KLHDC2: variants seen among roughly 807,000 people sequenced by gnomAD.
KLHDC2 encodes kelch domain-containing protein 2.
A neutral mutation model predicts 62.3 loss-of-function variants in KLHDC2; 38 were observed. The observed-to-expected ratio is 0.61, with a 90% CI of 0.47 to 0.80. The LOEUF (loss-of-function observed/expected upper bound fraction) is 0.80. Among genes scored for constraint, KLHDC2 ranks in the 30% least tolerant of loss-of-function variants. KLHDC2 has a pLI of 0.00. For missense variants in KLHDC2, 430 were observed against 495.3 expected, an observed-to-expected ratio of 0.87 and a Z score of 1.25; for synonymous variants, 159 against 161.0, an observed-to-expected ratio of 0.99 and a Z score of 0.09.
intron 3 of KLHDC2, 47 bp downstream of exon 3, chr14:49,774,725 A>T (rs181080946): frequency 8.7e-7 from 1 of 1,151,634 alleles, no homozygotes; most frequent in African/African-American, 1.5e-5. Flanking sequence ...TATTCTTATT[A>T]TCTTTCAAAC....
Position 49,777,937 on chromosome 14 carries a change from C to T in KLHDC2, c.450C>T (p.Val150=). The change falls in exon 4 of 13, where the codon GTC becomes GTT. Residue 150 remains valine (V), a synonymous_variant. Coordinates refer to ENST00000298307, the MANE Select transcript of KLHDC2 (RefSeq NM_014315.3). ...CATCATCAAAGGACAAACTTGGTGT[C>T]TGGGTATATAAAAACAAGTAAGTTG... ...IPPSSKDKLG[V]WVYKNKLIFF... 1 of 1,605,218 alleles carries T rather than the reference C, an allele frequency of 6.2e-7. No homozygotes were observed. The highest frequency in any genetic ancestry group is 1.7e-4 in the Middle Eastern group (1 of 6,050).
At chr14:49,771,512 G>T in intron 1 of KLHDC2, 82 bp from the exon 2 acceptor site, 1 of 675,884 alleles carries the variant, frequency 1.5e-6, no homozygotes, top group South Asian at 1.7e-5. Context: ...TATGAAATTA[G>T]TATCTCAAGA....
chr14:49,785,653 T>G lies in KLHDC2; in HGVS notation c.*2700T>G, dbSNP rs752760544. On this transcript the variant is annotated 3_prime_UTR_variant, in exon 13 of 13. Coordinates refer to ENST00000298307, the MANE Select transcript of KLHDC2 (RefSeq NM_014315.3). ...TCCTAGGACTCTGGAAGGCTCAGGCTGAGGCGGGTGGATCGCTTGAGCCCA... is the reference window on the plus strand; with the variant it reads ...TCCTAGGACTCTGGAAGGCTCAGGCGGAGGCGGGTGGATCGCTTGAGCCCA... The G allele has an allele frequency of 2.5e-5, 6 of 237,568 alleles. No individual in the cohort carries two copies. The highest frequency in any genetic ancestry group is 5.0e-5 in the Admixed American group (1 of 19,986). 14.7% of individuals were successfully genotyped at this position (237,568 alleles called of 1,614,324 possible).
chr14:49,768,670 G>A lies in KLHDC2; in HGVS notation c.153+49G>A, dbSNP rs1258758411. On this transcript the variant is annotated intron_variant, in intron 1 of 12. Transcript: ENST00000298307. ...CGGACGTCGCTCGGCTGTGACTCGGGTCTGCGTTCGCGGCCAGGCGGGGAG... is the reference window on the plus strand; with the variant it reads ...CGGACGTCGCTCGGCTGTGACTCGGATCTGCGTTCGCGGCCAGGCGGGGAG... 4 of 1,490,114 alleles carry A rather than the reference G, an allele frequency of 2.7e-6. No homozygotes were observed. In the South Asian group the frequency reaches 5.1e-5, roughly 19 times the overall value. 92.3% of individuals were successfully genotyped at this position (1,490,114 alleles called of 1,614,324 possible).
In KLHDC2 at chr14:49,784,837, A is replaced by T; in HGVS notation, c.*1884A>T. On this transcript the variant is annotated 3_prime_UTR_variant, in exon 13 of 13. Transcript: ENST00000298307. The stretch of plus-strand genomic sequence containing the variant: ...ATGGTTTTACTGCTTCTAATAAGAC[A>T]GCATTTTCTACTAAAATAACAAAAA... 7.1e-7 allele frequency: 1 copy of T among 1,402,554 alleles called. No homozygotes were observed. Among genetic ancestry groups the T allele is most frequent in the Non-Finnish European group, 1.0e-6 (1 of 999,156 alleles). 86.9% of individuals were successfully genotyped at this position (1,402,554 alleles called of 1,614,324 possible). A position where few individuals can be genotyped will look rare whatever the true frequency, so the allele number is the denominator to read the frequency against.
intron 2 of KLHDC2, among the ~76,000 whole-genome samples, chr14:49,773,570 C>CTTT (rs569284056): frequency 1.3e-5 from 1 of 74,152 alleles, no homozygotes; most frequent in Non-Finnish European, 2.5e-5. Context: ...AAAATAATAA[C>CTTT]TTTTTTTTTT....
chr14:49,778,381 T>C, intron 5 of KLHDC2, 30 bp from the exon 6 acceptor site: 3 of 1,405,750 alleles, frequency 2.1e-6, no homozygotes, highest in Non-Finnish European at 3.0e-6. Flanking sequence ...ATATCATTTC[T>C]AAAATAACGC....
In KLHDC2 at chr14:49,783,436, A is replaced by G. The variant is rs1890009996; in HGVS notation, c.*483A>G. 1 of 152,340 alleles carries G rather than the reference A, an allele frequency of 6.6e-6. No homozygotes were observed. The highest frequency in any genetic ancestry group is 1.5e-5 in the Non-Finnish European group (1 of 68,176). The allele number at this position is 152,340 out of a possible 1,614,324, so 9.4% of individuals were successfully genotyped here. ...GGAAAAACAAAGTGTGGAGGGACCA[A>G]CAACTGTTCAGTACTTTGACCTTAA... is the stretch of plus-strand genomic sequence containing the variant. On this transcript the variant is annotated 3_prime_UTR_variant, in exon 13 of 13. Transcript: ENST00000298307.
chr14:49,778,288 C>T (rs770660713), intron 5 of KLHDC2, 29 bp downstream of exon 5: 10 of 1,441,992 alleles, frequency 6.9e-6, no homozygotes, highest in South Asian at 5.9e-5. Flanking sequence ...TTGCATATGG[C>T]CTCCTTAGTA....
intron 8 of KLHDC2, 30 bp from the exon 9 acceptor site, chr14:49,780,183 C>T: frequency 7.7e-7 from 1 of 1,302,746 alleles, no homozygotes; most frequent in Non-Finnish European, 1.1e-6. Flanking sequence ...CTTCTAAATG[C>T]AGATATTGTA....
In KLHDC2 at chr14:49,777,857, A is replaced by G. The variant is rs147396578; in HGVS notation, c.370A>G (p.Arg124Gly). 8.2e-6 allele frequency: 13 copies of G among 1,588,588 alleles called. No homozygotes were observed. In the African/African-American group the frequency reaches 1.8e-4, roughly 21 times the overall value. ...CTGACAGTTCTACATGCTGGATTCA[A>G]GGTCTACAGACAGAGTGTTACAGTG... ...NTNKFYMLDSRSTDRVLQWER... is the reference protein window; with the variant it reads ...NTNKFYMLDSGSTDRVLQWER... The change falls in exon 4 of 13, where the codon AGG becomes GGG. Residue 124 changes from arginine (R) to glycine (G), a missense_variant. Physicochemically the swap from Arg to Gly is moderately radical, Grantham distance 125. Coordinates refer to ENST00000298307, the MANE Select transcript of KLHDC2 (RefSeq NM_014315.3).
chr14:49,784,055 G>A lies in KLHDC2; in HGVS notation c.*1102G>A, dbSNP rs55977608. The A allele has an allele frequency of 6.6e-6, 1 of 151,432 alleles. No homozygotes were observed. The highest frequency in any genetic ancestry group is 1.9e-4 in the East Asian group (1 of 5,170). The allele number at this position is 151,432 out of a possible 1,614,324, so 9.4% of individuals were successfully genotyped here. A position where few individuals can be genotyped will look rare whatever the true frequency, so the allele number is the denominator to read the frequency against. ...GTTCAGTTTCTTTACATCATGAAATGAATACTTGGTATTAACCTCCCAAAT... is the reference window on the plus strand; with the variant it reads ...GTTCAGTTTCTTTACATCATGAAATAAATACTTGGTATTAACCTCCCAAAT... On this transcript the variant is annotated 3_prime_UTR_variant, in exon 13 of 13. Coordinates refer to ENST00000298307, the MANE Select transcript of KLHDC2 (RefSeq NM_014315.3).
At chr14:49,772,539 C>A (rs976683464) in intron 2 of KLHDC2, among the ~76,000 whole-genome samples, 4 of 152,194 alleles carry the variant, frequency 2.6e-5, no homozygotes, top group African/African-American at 7.2e-5. Context: ...AGGTGTTTCT[C>A]AAAATGCTGG....
At chr14:49,781,183 C>A (rs1198447484) in intron 10 of KLHDC2, among the ~76,000 whole-genome samples, 2 of 151,808 alleles carry the variant, frequency 1.3e-5, no homozygotes, top group Non-Finnish European at 2.9e-5. Flanking sequence ...GCCTGGCCAA[C>A]ATGGTGAAAC....
rs1047509867 is a variant in KLHDC2, at chr14:49,784,988, C to T, written c.*2035C>T. ...CTTCTTTGGAATGCATGAAACTATT[C>T]AAGGCTGTTTTTGCAGCTGTAAATA... On this transcript the variant is annotated 3_prime_UTR_variant, in exon 13 of 13. Coordinates refer to ENST00000298307, the MANE Select transcript of KLHDC2 (RefSeq NM_014315.3). 1.2e-6 allele frequency: 2 copies of T among 1,613,834 alleles called. No homozygotes were observed. Among genetic ancestry groups the T allele is most frequent in the Admixed American group, 1.7e-5 (1 of 59,984 alleles).
At chr14:49,775,522 C>A (rs117785672) in intron 3 of KLHDC2, among the ~76,000 whole-genome samples, 3,281 of 150,242 alleles carry the variant, frequency 0.022, 51 homozygotes, top group Admixed American at 0.049. Context: ...GATGAGGGAA[C>A]AGAACAAGGA....
chr14:49,776,699 AC>A (rs1449899477), intron 3 of KLHDC2, among the ~76,000 whole-genome samples: 1 of 152,078 alleles, frequency 6.6e-6, no homozygotes, highest in East Asian at 1.9e-4. Context: ...TGGGCACATC[AC>A]TTGAGGCCAG....
intron 1 of KLHDC2, among the ~76,000 whole-genome samples, chr14:49,770,537 T>C (rs947475048): frequency 2.0e-5 from 3 of 152,236 alleles, no homozygotes; most frequent in Non-Finnish European, 4.4e-5. Flanking sequence ...GTGTCAACAT[T>C]GTTCAGAAAG....
chr14:49,769,908 C>T lies in KLHDC2; in HGVS notation c.153+1287C>T, dbSNP rs540136310. On this transcript the variant is annotated intron_variant, in intron 1 of 12. Transcript: ENST00000298307. ...AGTGAGCTGAGACGGCGCCATTGCA[C>T]TCCAGCCTGGGCAACAAGAAGGAAA... Among the ~76,000 whole-genome samples, 3 of 147,704 alleles carry T rather than the reference C, an allele frequency of 2.0e-5. No individual in the cohort carries two copies. In the East Asian group the frequency reaches 6.0e-4, roughly 29 times the overall value.
Sources: allele counts gnomAD v4.1 joint callset (sites outside exome capture counted in the v4.1 genomes callset), GRCh38; gene constraint gnomAD v4.1.1; transcripts MANE v1.5; gene names NCBI Gene and HGNC (gene_info 2026-07-23, HGNC 2026-07-21).